Variants in ZC3H18 observed in about 807,000 individuals in gnomAD.
ZC3H18 encodes zinc finger CCCH-type containing 18.
In ZC3H18, 8 loss-of-function variants were observed where a neutral mutation model predicts 106.1. That is an observed-to-expected ratio of 0.08 (90% CI 0.04 to 0.14). ZC3H18 has a LOEUF of 0.14. Ranked by LOEUF, ZC3H18 falls within the 10% of genes least tolerant of loss-of-function variation. ZC3H18 has a pLI of 1.00. For synonymous variants in ZC3H18, 635 were observed against 522.1 expected (o/e 1.22, Z -2.95); for missense variants, 1,318 against 1,278.4 (o/e 1.03, Z -0.47).
intron 11 of ZC3H18, 170 bp from the exon 12 acceptor site, chr16:88,624,432 A>C: frequency 9.1e-7 from 1 of 1,100,948 alleles, no homozygotes; most frequent in Non-Finnish European, 1.3e-6. Flanking sequence ...AGCCGTTCCC[A>C]AGCACTCTGA....
chr16:88,575,406 A>T (rs770945180), intron 1 of ZC3H18, among the ~76,000 whole-genome samples: 1 of 152,010 alleles, frequency 6.6e-6, no homozygotes, highest in Non-Finnish European at 1.5e-5. Flanking sequence ...TGACCGTGAC[A>T]TACGTTATTT....
At chr16:88,598,990 C>A (rs1016399450) in intron 5 of ZC3H18, among the ~76,000 whole-genome samples, 1 of 152,214 alleles carries the variant, frequency 6.6e-6, no homozygotes, top group African/African-American at 2.4e-5. Context: ...TCCCAAGTAG[C>A]TGGGATTACA....
At chr16:88,571,546 A>G (rs1329961906) in intron 1 of ZC3H18, 2 of 865,654 alleles carry the variant, frequency 2.3e-6, no homozygotes, top group Admixed American at 6.2e-5. Flanking sequence ...TAAGGGCAGT[A>G]TGGAGCCCAG....
intron 2 of ZC3H18, among the ~76,000 whole-genome samples, chr16:88,586,382 C>T (rs1915431311): frequency 6.6e-6 from 1 of 152,212 alleles, no homozygotes; most frequent in Non-Finnish European, 1.5e-5. Flanking sequence ...CACAGTGCTT[C>T]TCCCTGGTGC....
In ZC3H18 at chr16:88,630,764, C is replaced by CACA. The variant is rs1395327170; in HGVS notation, c.2663+183_2663+184insACA. Among the ~76,000 whole-genome samples, 11 of 110,842 alleles carry CACA rather than the reference C, an allele frequency of 9.9e-5. 1 individual carries two copies. The East Asian group carries it at 1.7e-3, about 17-fold the overall frequency. 72.7% of individuals were successfully genotyped at this position (110,842 alleles called of 152,430 possible). A position where few individuals can be genotyped will look rare whatever the true frequency, so the allele number is the denominator to read the frequency against. ...TTGCAGCCCCACCCCCCACCCCCCC[C>CACA]CACACACACACACACGCTCCTGCCC... On this transcript the variant is annotated intron_variant, in intron 17 of 17. Transcript: ENST00000301011.
chr16:88,587,625 G>A (rs547798042), intron 3 of ZC3H18: 29 of 1,532,840 alleles, frequency 1.9e-5, no homozygotes, highest in African/African-American at 5.5e-5. Flanking sequence ...TACAAAATAC[G>A]CTATATTCAC....
chr16:88,577,497 A>T lies in ZC3H18; in HGVS notation c.374A>T (p.Glu125Val), dbSNP rs1258682499. The T allele has an allele frequency of 6.2e-7, 1 of 1,612,918 alleles. No individual in the cohort carries two copies. ...EASSVTRELD[E>V]HELDYDEEVP... is the part of the protein sequence containing the mutation. ...TCCTCAGTCACCAGGGAGCTGGATG[A>T]GCATGAGCTAGACTACGATGAGGAG... The change falls in exon 2 of 18, where the codon GAG (glutamate) becomes GTG (valine). Residue 125 changes from glutamate (E) to valine (V), a missense_variant. Around this residue, in one of 6 missense-constraint regions of ZC3H18, gnomAD observed 346 missense variants for 269.0 expected, o/e 1.29. Transcript: ENST00000301011.
chr16:88,617,500 A>AG (rs1275443806), intron 8 of ZC3H18, among the ~76,000 whole-genome samples: 1 of 152,100 alleles, frequency 6.6e-6, no homozygotes, highest in African/African-American at 2.4e-5. Context: ...CTCACCGCCG[A>AG]GGCACGTCAT....
intron 1 of ZC3H18, among the ~76,000 whole-genome samples, chr16:88,574,921 C>A (rs972136033): frequency 1.3e-5 from 2 of 151,356 alleles, no homozygotes; most frequent in African/African-American, 4.8e-5. Context: ...GCCCCGCCCC[C>A]TGGGTTCACG....
chr16:88,585,907 T>G (rs1915404961), intron 2 of ZC3H18, among the ~76,000 whole-genome samples: 1 of 151,890 alleles, frequency 6.6e-6, no homozygotes, highest in African/African-American at 2.4e-5. Flanking sequence ...GTGTCAGGGA[T>G]GTCAGGTGGG....
chr16:88,592,043 G>A (rs956737534), intron 3 of ZC3H18, among the ~76,000 whole-genome samples: 2 of 152,250 alleles, frequency 1.3e-5, no homozygotes, highest in Non-Finnish European at 2.9e-5. Context: ...GCCGCTGGCA[G>A]TGGAGTTGCT....
At position 88,598,607 on chromosome 16, in the gene ZC3H18, C is replaced by G; in HGVS notation, c.838-13C>G. 6.2e-7 allele frequency: 1 copy of G among 1,602,098 alleles called. No homozygotes were observed. The highest frequency in any genetic ancestry group is 8.5e-7 in the Non-Finnish European group (1 of 1,173,060). On this transcript the variant is annotated splice_polypyrimidine_tract_variant and intron_variant, in intron 4 of 17. Coordinates refer to ENST00000301011, the MANE Select transcript of ZC3H18 (RefSeq NM_144604.4). Reference sequence around the variant, plus strand: ...TTTACTTTCTCACCTTCTCCCTTCTCGTTTTTCAATAGGGTGGGCCGGTAG... The same window carrying G: ...TTTACTTTCTCACCTTCTCCCTTCTGGTTTTTCAATAGGGTGGGCCGGTAG...
Position 88,627,716 on chromosome 16 carries a change from C to G in ZC3H18, c.2203C>G (p.Leu735Val), listed in dbSNP as rs1906399248. Residue 735 changes from leucine (L) to valine (V), a missense_variant, in exon 14 of 18, where the codon CTG (leucine) becomes GTG (valine). Physicochemically the swap from Leu to Val is conservative, Grantham distance 32. Coordinates refer to ENST00000301011, the MANE Select transcript of ZC3H18 (RefSeq NM_144604.4). The surrounding 1 kb of genome is among the most constrained non-coding windows in gnomAD (Gnocchi z 4.5). ...SVDSEDMYADLASPVSSASSR... is the reference protein window; with the variant it reads ...SVDSEDMYADVASPVSSASSR... ...GGACTCGGAGGACATGTACGCAGAC[C>G]TGGCTAGCCCCGTGTCCTCAGCCAG... The G allele has an allele frequency of 6.2e-7, 1 of 1,613,512 alleles. No individual in the cohort carries two copies. The highest frequency in any genetic ancestry group is 1.3e-5 in the African/African-American group (1 of 74,912).
intron 3 of ZC3H18, 123 bp downstream of exon 3, chr16:88,586,807 AGGTGGTGGTGGTGGTGGTGGT>A (rs113134808): frequency 8.7e-5 from 43 of 493,804 alleles, no homozygotes; most frequent in Non-Finnish European, 1.5e-4. Flanking sequence ...ATTACTGGCT[AGGTGGTGGTGGTGGTGGTGGT>A]GGTGGTGGTG....
At position 88,631,257 on chromosome 16, in the gene ZC3H18, T is replaced by G; in HGVS notation, c.2820T>G (p.Asp940Glu). ...ELLKQLKAVEDAIARKRAKIP... is the reference protein window; with the variant it reads ...ELLKQLKAVEEAIARKRAKIP... ...TGAAACAGCTGAAGGCCGTGGAGGA[T>G]GCTATTGCACGCAAGCGGGCCAAGA... is the stretch of plus-strand genomic sequence containing the variant. The change falls in exon 18 of 18, where the codon GAT becomes GAG. Residue 940 changes from aspartate (D) to glutamate (E), a missense_variant. Coordinates refer to ENST00000301011, the MANE Select transcript of ZC3H18 (RefSeq NM_144604.4). 1 of 1,609,642 alleles carries G rather than the reference T, an allele frequency of 6.2e-7. No homozygotes were observed. The highest frequency in any genetic ancestry group is 8.5e-7 in the Non-Finnish European group (1 of 1,178,274).
At chr16:88,624,544 TAGGCCAGCGGGGCCCCGTCCACCAGCC>T in intron 11 of ZC3H18, 31 bp from the exon 12 acceptor site, 1 of 1,611,440 alleles carries the variant, frequency 6.2e-7, no homozygotes, top group Non-Finnish European at 8.5e-7. Context: ...AAAGGGGATG[TAGGCCAGCGGGGCCCCGTCCACCAGCC>T]CTGCCCTGCT....
At chr16:88,600,420 T>G (rs887681696) in intron 6 of ZC3H18, among the ~76,000 whole-genome samples, 12 of 151,970 alleles carry the variant, frequency 7.9e-5, no homozygotes, top group Admixed American at 1.3e-4. Context: ...TGTTTTTTGG[T>G]TTTTTTTCCC....
chr16:88,623,854 G>A (rs897776817), intron 10 of ZC3H18, 104 bp from the exon 11 acceptor site: 1 of 1,475,748 alleles, frequency 6.8e-7, no homozygotes, highest in African/African-American at 1.4e-5. Context: ...CACATAAATG[G>A]AAATTCGTGG....
chr16:88,626,584 C>G (rs1436224978), intron 13 of ZC3H18: 1 of 151,986 alleles, frequency 6.6e-6, no homozygotes, highest in Non-Finnish European at 1.5e-5. Context: ...AACTCCTGGG[C>G]TCAAGTGATC....
Sources: allele counts gnomAD v4.1 joint callset (sites outside exome capture counted in the v4.1 genomes callset), GRCh38; gene constraint gnomAD v4.1.1; regional missense constraint gnomAD v4.1.1; non-coding constraint Gnocchi (gnomAD v3.1); transcripts MANE v1.5; gene names NCBI Gene and HGNC (gene_info 2026-07-23, HGNC 2026-07-21).